Variants in DLG2 observed in about 807,000 individuals in gnomAD.
The protein encoded by DLG2 is disks large homolog 2.
Under a neutral mutation model 132.5 loss-of-function variants are expected in DLG2, and 45 were observed. The observed-to-expected ratio is 0.34, with a 90% CI of 0.27 to 0.44. The LOEUF (loss-of-function observed/expected upper bound fraction) is 0.44. Among genes scored for constraint, DLG2 ranks in the 20% least tolerant of loss-of-function variants. The pLI is 1.00. For synonymous variants in DLG2, 424 were observed against 419.6 expected, an observed-to-expected ratio of 1.01 and a Z score of -0.13; for missense variants, 1,045 against 1,196.9, an observed-to-expected ratio of 0.87 and a Z score of 1.87.
intron 3 of DLG2, among the ~76,000 whole-genome samples, chr11:85,529,120 G>A (rs923805986): frequency 6.6e-6 from 1 of 152,120 alleles, no homozygotes; most frequent in Admixed American, 6.5e-5. Flanking sequence ...AAATATATAT[G>A]CACACACAAT....
intron 21 of DLG2, among the ~76,000 whole-genome samples, chr11:83,511,057 T>C (rs2094993522): frequency 8.6e-6 from 1 of 116,338 alleles, no homozygotes; most frequent in South Asian, 2.7e-4. Context: ...CTCTCTGTCT[T>C]CCTCTCACTT....
intron 3 of DLG2, among the ~76,000 whole-genome samples, chr11:85,490,224 T>C (rs1330951601): frequency 6.6e-6 from 1 of 151,838 alleles, no homozygotes; most frequent in Non-Finnish European, 1.5e-5. Context: ...TTGAAACAAA[T>C]GAAAATGAAA....
chr11:85,550,016 C>G (rs1012374937), intron 3 of DLG2, among the ~76,000 whole-genome samples: 5 of 152,218 alleles, frequency 3.3e-5, no homozygotes, highest in African/African-American at 1.2e-4. Context: ...GCAGCCCATG[C>G]CACCACTCTG....
chr11:84,614,158 G>A (rs12801441), intron 6 of DLG2, among the ~76,000 whole-genome samples: 36 of 152,256 alleles, frequency 2.4e-4, no homozygotes, highest in Non-Finnish European at 4.4e-4. Context: ...ACCCTGCCAG[G>A]TGATAGGAAA....
chr11:83,644,317 A>G (rs2153492959), intron 18 of DLG2, among the ~76,000 whole-genome samples: 1 of 152,286 alleles, frequency 6.6e-6, no homozygotes, highest in Non-Finnish European at 1.5e-5. Flanking sequence ...CCATTTCAAA[A>G]TGTGGAGAAT....
intron 7 of DLG2, among the ~76,000 whole-genome samples, chr11:84,430,905 A>G (rs1601984650): frequency 6.6e-6 from 1 of 152,302 alleles, no homozygotes; most frequent in Non-Finnish European, 1.5e-5. Flanking sequence ...GCTGCTGCTC[A>G]CAACTGAGGA....
intron 6 of DLG2, among the ~76,000 whole-genome samples, chr11:84,860,562 T>C (rs1410966969): frequency 6.6e-6 from 1 of 152,142 alleles, no homozygotes; most frequent in Non-Finnish European, 1.5e-5. Context: ...AAAAGCCCTG[T>C]CATGCATATA....
chr11:84,006,970 C>T (rs2094601370), intron 11 of DLG2, among the ~76,000 whole-genome samples: 2 of 151,592 alleles, frequency 1.3e-5, no homozygotes, highest in Non-Finnish European at 3.0e-5. Flanking sequence ...AAAAGACTAA[C>T]CTTAAATTTA....
At chr11:83,842,594 C>T (rs150583938) in intron 16 of DLG2, among the ~76,000 whole-genome samples, 2,268 of 149,866 alleles carry the variant, frequency 0.015, 56 homozygotes, top group African/African-American at 0.047. Flanking sequence ...TTTGGGAGGC[C>T]GAGGCGGGTG....
intron 16 of DLG2, among the ~76,000 whole-genome samples, chr11:83,868,337 G>A (rs2062788883): frequency 6.6e-6 from 1 of 152,022 alleles, no homozygotes; most frequent in Admixed American, 6.6e-5. Flanking sequence ...GTCTTTATTG[G>A]ACTATAAGTC....
At chr11:85,378,850 A>G (rs1237590898) in intron 3 of DLG2, among the ~76,000 whole-genome samples, 1 of 152,194 alleles carries the variant, frequency 6.6e-6, no homozygotes, top group East Asian at 1.9e-4. Flanking sequence ...GTTTGAATAC[A>G]TCTTTCCATG....
chr11:84,490,118 T>C (rs899941286), intron 7 of DLG2, among the ~76,000 whole-genome samples: 4 of 152,202 alleles, frequency 2.6e-5, no homozygotes, highest in African/African-American at 9.6e-5. Context: ...TTCCCAGCTC[T>C]ATGATTTAAC....
chr11:85,252,473 A>G (rs910013223), intron 4 of DLG2, among the ~76,000 whole-genome samples: 3 of 152,064 alleles, frequency 2.0e-5, no homozygotes, highest in Admixed American at 2.0e-4. Flanking sequence ...GTAGTCCCAG[A>G]TACTTGGGAG....
chr11:85,303,403 G>A (rs1368653895), intron 3 of DLG2, among the ~76,000 whole-genome samples: 1 of 152,130 alleles, frequency 6.6e-6, no homozygotes, highest in Non-Finnish European at 1.5e-5. Context: ...TAATAGCAGA[G>A]GGAGAAAAGA....
chr11:84,582,594 A>G (rs2099519276), intron 6 of DLG2, among the ~76,000 whole-genome samples: 2 of 151,410 alleles, frequency 1.3e-5, no homozygotes, highest in African/African-American at 4.8e-5. Flanking sequence ...AAGTATAACC[A>G]TAATTACATG....
chr11:85,610,152 T>C (rs751171385), intron 2 of DLG2, among the ~76,000 whole-genome samples: 6 of 152,168 alleles, frequency 3.9e-5, no homozygotes, highest in Non-Finnish European at 8.8e-5. Context: ...CACTTTTCCT[T>C]ATCAAAGGTA....
intron 6 of DLG2, among the ~76,000 whole-genome samples, chr11:84,764,359 G>C (rs533335863): frequency 6.6e-6 from 1 of 152,190 alleles, no homozygotes; most frequent in Admixed American, 6.5e-5. Flanking sequence ...GTTTCCACTT[G>C]TATAAAGACT....
At chr11:83,888,108 G>C (rs1166517089) in intron 15 of DLG2, among the ~76,000 whole-genome samples, 1 of 149,046 alleles carries the variant, frequency 6.7e-6, no homozygotes, top group African/African-American at 2.5e-5. Context: ...AGGGCAATTA[G>C]GCAGGAGAAG....
chr11:83,497,799 T>A (rs1008245542), intron 21 of DLG2, among the ~76,000 whole-genome samples: 4 of 152,120 alleles, frequency 2.6e-5, no homozygotes, highest in Non-Finnish European at 5.9e-5. Context: ...GGAAAACTTT[T>A]AAAGATTTCC....
Sources: allele counts gnomAD v4.1 joint callset (sites outside exome capture counted in the v4.1 genomes callset), GRCh38; gene constraint gnomAD v4.1.1; transcripts MANE v1.5; gene names NCBI Gene and HGNC (gene_info 2026-07-23, HGNC 2026-07-21).